VENTX: variants seen among roughly 807,000 people sequenced by gnomAD.
VENTX encodes homeobox protein VENTX.
In VENTX, 13 loss-of-function variants were observed where a neutral mutation model predicts 10.5. The ratio of observed to expected loss-of-function variants is 1.23; its 90% CI spans 0.80 to 1.96. VENTX has a LOEUF of 1.96. Among genes scored for constraint, VENTX ranks in the 30% most tolerant of loss-of-function variants. VENTX has a pLI of 0.00. For missense variants in VENTX, 400 were observed against 341.8 expected (o/e 1.17, Z -1.34); for synonymous variants, 177 against 150.4 (o/e 1.18, Z -1.29).
chr10:133,238,196 G>A, intron 1 of VENTX, 41 bp downstream of exon 1: 1 of 1,548,140 alleles, frequency 6.5e-7, no homozygotes, highest in Non-Finnish European at 8.7e-7. Flanking sequence ...CCCAGGTGGA[G>A]ATGGGAGTGG....
At chr10:133,239,232 C>G (rs1270068094) in intron 1 of VENTX, among the ~76,000 whole-genome samples, 1 of 152,240 alleles carries the variant, frequency 6.6e-6, no homozygotes, top group African/African-American at 2.4e-5. Context: ...AGGAAACAGA[C>G]TTGACCACAG....
Position 133,240,002 on chromosome 10 carries a change from C to A in VENTX, c.473C>A (p.Pro158His), listed in dbSNP as rs765090857. Reference protein sequence around the residue: ...RQMQDPQLHSPFSGSLHAPPA... With the variant: ...RQMQDPQLHSHFSGSLHAPPA... Reference sequence around the variant, plus strand: ...ATGCAGGACCCCCAGCTGCACAGCCCCTTCTCGGGGTCTCTCCATGCGCCC... The same window carrying A: ...ATGCAGGACCCCCAGCTGCACAGCCACTTCTCGGGGTCTCTCCATGCGCCC... The change falls in exon 3 of 3, where the codon CCC becomes CAC. Residue 158 changes from proline to histidine, a missense_variant. Physicochemically the swap from Pro to His is moderately conservative, Grantham distance 77. Transcript: ENST00000325980. The A allele has an allele frequency of 5.5e-5, 89 of 1,612,224 alleles. No individual in the cohort carries two copies. Among genetic ancestry groups the A allele is most frequent in the Non-Finnish European group, 7.2e-5 (85 of 1,180,004 alleles).
In VENTX at chr10:133,239,846, G is replaced by A; in HGVS notation, c.402+10G>A. 1 of 1,604,010 alleles carries A rather than the reference G, an allele frequency of 6.2e-7. No individual in the cohort carries two copies. The highest frequency in any genetic ancestry group is 8.5e-7 in the Non-Finnish European group (1 of 1,174,066). On this transcript the variant is annotated intron_variant, in intron 2 of 2. Transcript: ENST00000325980. ...GCTCTCAGAGGTCCAGGTGAGGTGG[G>A]CCGGGCAGGCTGGGGTGGGCAGGGG...
chr10:133,240,464 G>C lies in VENTX; in HGVS notation c.*158G>C. 2.0e-6 allele frequency: 1 copy of C among 510,230 alleles called. No homozygotes were observed. The highest frequency in any genetic ancestry group is 3.0e-6 in the Non-Finnish European group (1 of 336,094). 31.6% of individuals were successfully genotyped at this position (510,230 alleles called of 1,614,324 possible). A position where few individuals can be genotyped will look rare whatever the true frequency, so the allele number is the denominator to read the frequency against. ...GGAGAATATATATAAATATATATAT[G>C]TACGTATATATGTAAATACACATAT... On this transcript the variant is annotated 3_prime_UTR_variant, in exon 3 of 3. Coordinates refer to ENST00000325980, the MANE Select transcript of VENTX (RefSeq NM_014468.4).
At position 133,239,765 on chromosome 10, in the gene VENTX, C is replaced by T; in HGVS notation, c.331C>T (p.Gln111Ter). The T allele has an allele frequency of 5.0e-6, 8 of 1,611,368 alleles. No individual in the cohort carries two copies. Among genetic ancestry groups the T allele is most frequent in the Non-Finnish European group, 6.8e-6 (8 of 1,180,004 alleles). ...GGTCCGCACCTTGGAGGGCGTCTTC[C>T]AGCACCACCAGTACCTGAGCCCTCT... ...EQVRTLEGVF[Q>*]HHQYLSPLER... The change falls in exon 2 of 3, where the codon CAG (glutamine) becomes TAG (stop). Residue 111 changes from glutamine (Q) to a stop codon, truncating the protein, a stop_gained. Coordinates refer to ENST00000325980, the MANE Select transcript of VENTX (RefSeq NM_014468.4). LOFTEE classifies it high-confidence loss of function.
chr10:133,238,043 G>A lies in VENTX; in HGVS notation c.129G>A (p.Gly43=), dbSNP rs1191300103. Residue 43 remains glycine (G), a synonymous_variant, in exon 1 of 3, where the codon GGG becomes GGA. Coordinates refer to ENST00000325980, the MANE Select transcript of VENTX (RefSeq NM_014468.4). Reference sequence around the variant, plus strand: ...CCAGGCCTGCCGACTTCTCCCTGGGGAGCCTCCCTGGCCCAGGCCAGACAT... The same window carrying A: ...CCAGGCCTGCCGACTTCTCCCTGGGAAGCCTCCCTGGCCCAGGCCAGACAT... ...HTPRPADFSL[G]SLPGPGQTSG... 1 of 1,600,082 alleles carries A rather than the reference G, an allele frequency of 6.2e-7. No homozygotes were observed. Among genetic ancestry groups the A allele is most frequent in the Non-Finnish European group, 8.5e-7 (1 of 1,175,382 alleles).
Position 133,240,205 on chromosome 10 carries a change from G to A in VENTX, c.676G>A (p.Ala226Thr). The A allele has an allele frequency of 1.2e-6, 2 of 1,610,560 alleles. No homozygotes were observed. The highest frequency in any genetic ancestry group is 1.7e-6 in the Non-Finnish European group (2 of 1,179,670). The change falls in exon 3 of 3, where the codon GCG becomes ACG. Residue 226 changes from alanine (A) to threonine (T), a missense_variant. Physicochemically the swap from Ala to Thr is moderately conservative, Grantham distance 58. Transcript: ENST00000325980. ...AGASCCGQPL[A>T]SHPPTPGRPS... ...AGCTTCCTGCTGCGGGCAGCCTCTG[G>A]CGTCCCACCCCCCTACCCCAGGCCG...
rs757261623 is a variant in VENTX, at chr10:133,239,658, C to T, written c.242-18C>T. The T allele has an allele frequency of 4.3e-6, 7 of 1,610,768 alleles. No homozygotes were observed. In the African/African-American group the frequency reaches 5.3e-5, roughly 12 times the overall value. On this transcript the variant is annotated intron_variant, in intron 1 of 2. Coordinates refer to ENST00000325980, the MANE Select transcript of VENTX (RefSeq NM_014468.4). ...TGGGGTGGCATGTTGAGCCAAATGC[C>T]CTTACCCTCTATGTCAGGGTTGAGT...
intron 1 of VENTX, among the ~76,000 whole-genome samples, chr10:133,238,820 A>G (rs938730973): frequency 3.9e-5 from 6 of 152,214 alleles, no homozygotes; most frequent in Non-Finnish European, 5.9e-5. Flanking sequence ...GACATCATCT[A>G]CAAGTTTTCA....
Position 133,237,887 on chromosome 10 carries a change from G to C in VENTX, c.-28G>C. On this transcript the variant is annotated 5_prime_UTR_variant, in exon 1 of 3. Transcript: ENST00000325980. ...ATCCTGCGCCTGGCCAGCCCCGCCTGGCCTTCCCTCCGGCCCACCTGGCCG... is the reference window on the plus strand; with the variant it reads ...ATCCTGCGCCTGGCCAGCCCCGCCTCGCCTTCCCTCCGGCCCACCTGGCCG... 1.9e-6 allele frequency: 3 copies of C among 1,557,666 alleles called. No individual in the cohort carries two copies.
At chr10:133,239,227 A>G (rs2136051101) in intron 1 of VENTX, among the ~76,000 whole-genome samples, 1 of 152,330 alleles carries the variant, frequency 6.6e-6, no homozygotes, top group South Asian at 2.1e-4. Flanking sequence ...AAATTAGGAA[A>G]CAGACTTGAC....
chr10:133,238,312 T>A (rs1477721909), intron 1 of VENTX, among the ~76,000 whole-genome samples, 157 bp downstream of exon 1: 3 of 152,138 alleles, frequency 2.0e-5, no homozygotes, highest in Middle Eastern at 3.2e-3. Flanking sequence ...GCCGGCGCCC[T>A]CACTGGAGCG....
In VENTX at chr10:133,239,613, G is replaced by A. The variant is rs537484752; in HGVS notation, c.242-63G>A. On this transcript the variant is annotated intron_variant, in intron 1 of 2. Coordinates refer to ENST00000325980, the MANE Select transcript of VENTX (RefSeq NM_014468.4). ...GCATGGCTGTCTTCACCTGTTACCC[G>A]TGGGCACGAGCTTGCCCCATGGGGT... The A allele has an allele frequency of 3.6e-3, 5,716 of 1,584,786 alleles. 14 individuals carry two copies. The highest frequency in any genetic ancestry group is 4.5e-3 in the Non-Finnish European group (5,256 of 1,162,738).
Position 133,241,474 on chromosome 10 carries a change from C to T in VENTX, c.*1168C>T, listed in dbSNP as rs1041467803. 3 of 152,260 alleles carry T rather than the reference C, an allele frequency of 2.0e-5. No individual in the cohort carries two copies. The highest frequency in any genetic ancestry group is 6.5e-5 in the Admixed American group (1 of 15,290). 9.4% of individuals were successfully genotyped at this position (152,260 alleles called of 1,614,324 possible). A position where few individuals can be genotyped will look rare whatever the true frequency, so the allele number is the denominator to read the frequency against. ...GGGGAGGACTCCCGCGTTGATGGAC[C>T]GTTCTTGGTGCAGACTCCTGACTGC... On this transcript the variant is annotated 3_prime_UTR_variant, in exon 3 of 3. Transcript: ENST00000325980.
chr10:133,238,215 C>T, intron 1 of VENTX, 60 bp downstream of exon 1: 3 of 1,499,950 alleles, frequency 2.0e-6, no homozygotes, highest in South Asian at 1.4e-5. Flanking sequence ...GGGGGAGAGG[C>T]CAGGAGCCCG....
chr10:133,239,074 C>G (rs1322391284), intron 1 of VENTX, among the ~76,000 whole-genome samples: 1 of 152,236 alleles, frequency 6.6e-6, no homozygotes, highest in Non-Finnish European at 1.5e-5. Flanking sequence ...CTTCCTTCCG[C>G]AGAAACTCCA....
chr10:133,239,859 G>A, intron 2 of VENTX, 23 bp downstream of exon 2: 2 of 1,608,276 alleles, frequency 1.2e-6, no homozygotes, highest in Non-Finnish European at 8.5e-7. Context: ...GGGCAGGCTG[G>A]GGTGGGCAGG....
intron 1 of VENTX, among the ~76,000 whole-genome samples, chr10:133,239,426 C>T (rs1344612343): frequency 1.3e-5 from 2 of 152,176 alleles, no homozygotes; most frequent in African/African-American, 4.8e-5. Flanking sequence ...TGGGATGGGG[C>T]GGAACTGAGT....
At chr10:133,239,535 GGGGGTGCTGCT>G in intron 1 of VENTX, 130 bp from the exon 2 acceptor site, 1 of 991,626 alleles carries the variant, frequency 1.0e-6, no homozygotes. Flanking sequence ...GGGAGGCGGC[GGGGGTGCTGCT>G]GGTCACTGTC....
Sources: gnomAD v4.1 joint callset for allele counts (sites outside exome capture counted in the v4.1 genomes callset) on GRCh38, gnomAD v4.1.1 for gene constraint, MANE v1.5 for transcripts, NCBI Gene and HGNC (gene_info 2026-07-23, HGNC 2026-07-21) for gene names.